The following UBE2E2 variants were observed in gnomAD, a reference collection of about 807,000 sequenced individuals.
The protein encoded by UBE2E2 is ubiquitin conjugating enzyme E2 E2.
UBE2E2 carries 6 observed loss-of-function variants against 24.7 expected under a neutral mutation model. That is an observed-to-expected ratio of 0.24 (90% CI 0.13 to 0.48). The LOEUF is 0.48. Among genes scored for constraint, UBE2E2 ranks in the 20% least tolerant of loss-of-function variants. The pLI, the probability that UBE2E2 is intolerant of heterozygous loss-of-function variation, is 0.99. For synonymous variants in UBE2E2, 104 were observed against 83.6 expected, an observed-to-expected ratio of 1.24 and a Z score of -1.33; for missense variants, 169 against 245.0, an observed-to-expected ratio of 0.69 and a Z score of 2.07.
chr3:23,318,906 A>G (rs942860924), intron 3 of UBE2E2, among the ~76,000 whole-genome samples: 2 of 152,324 alleles, frequency 1.3e-5, no homozygotes, highest in East Asian at 1.9e-4. Flanking sequence ...CTGCCTATAC[A>G]TTGTCTTATA....
chr3:23,333,514 G>C (rs1220537744), intron 3 of UBE2E2, among the ~76,000 whole-genome samples: 3 of 152,034 alleles, frequency 2.0e-5, no homozygotes, highest in African/African-American at 7.2e-5. Flanking sequence ...CTAGGAGACA[G>C]ATTTTCTGCC....
upstream of UBE2E2, chr3:23,203,255 C>T (rs1696008512): frequency 4.7e-5 from 46 of 988,602 alleles, no homozygotes; most frequent in Non-Finnish European, 5.5e-5. Context: ...GCAGCGGCGG[C>T]GCTGAGGGTG....
rs139520124 is a variant in UBE2E2, at chr3:23,244,773, T to G, written c.227+27461T>G. Among the ~76,000 whole-genome samples, 782 of 152,300 alleles carry G rather than the reference T, an allele frequency of 5.1e-3. 6 individuals carry two copies. The highest frequency in any genetic ancestry group is 0.018 in the African/African-American group (747 of 41,588). On this transcript the variant is annotated intron_variant, in intron 3 of 5. Transcript: ENST00000396703. ...TGGAAACTTTGCTTGGATGAATGAT[T>G]GTATTGGAGAAATGTTTTGTATACT...
chr3:23,405,736 A>G (rs769623312), intron 3 of UBE2E2, among the ~76,000 whole-genome samples: 2 of 152,146 alleles, frequency 1.3e-5, no homozygotes, highest in Non-Finnish European at 2.9e-5. Flanking sequence ...ACACTCTTTA[A>G]CATTTTGTTT....
Position 23,589,091 on chromosome 3 carries a change from C to A in UBE2E2, c.509-643C>A, listed in dbSNP as rs1010579788. Among the ~76,000 whole-genome samples, 11 of 152,018 alleles carry A rather than the reference C, an allele frequency of 7.2e-5. No homozygotes were observed. Among genetic ancestry groups the A allele is most frequent in the African/African-American group, 2.4e-4 (10 of 41,384 alleles). On this transcript the variant is annotated intron_variant, in intron 5 of 5. Transcript: ENST00000396703. The surrounding 1 kb of genome is among the most constrained non-coding windows in gnomAD (Gnocchi z 4.1). Reference sequence around the variant, plus strand: ...GAGAGCTCATCAAGAGCCCATGAGTCCCCTGCCCACAGCCCACCTGCATTT... The same window carrying A: ...GAGAGCTCATCAAGAGCCCATGAGTACCCTGCCCACAGCCCACCTGCATTT...
At chr3:23,462,910 G>C (rs1698837667) in intron 3 of UBE2E2, among the ~76,000 whole-genome samples, 1 of 152,018 alleles carries the variant, frequency 6.6e-6, no homozygotes, top group Admixed American at 6.6e-5. Context: ...TGTAAAATTC[G>C]AATGGTTTGT....
chr3:23,326,218 C>T (rs1304412744), intron 3 of UBE2E2, among the ~76,000 whole-genome samples: 1 of 152,088 alleles, frequency 6.6e-6, no homozygotes, highest in Non-Finnish European at 1.5e-5. Context: ...ATTACAGGCG[C>T]CTGCCACCAA....
At chr3:23,544,690 T>TG (rs1415129049) in intron 5 of UBE2E2, among the ~76,000 whole-genome samples, 3 of 152,322 alleles carry the variant, frequency 2.0e-5, no homozygotes, top group Admixed American at 1.3e-4. Flanking sequence ...CCTCCACACC[T>TG]GTGGGTGTTT....
intron 3 of UBE2E2, among the ~76,000 whole-genome samples, chr3:23,281,009 C>A (rs1362623125): frequency 1.3e-5 from 2 of 152,296 alleles, no homozygotes; most frequent in Admixed American, 6.5e-5. Context: ...TCCTCACTTG[C>A]TGGAGAAAGA....
rs116109083 is a variant in UBE2E2, at chr3:23,333,728, G to A, written c.227+116416G>A. 2.9e-3 allele frequency among the ~76,000 whole-genome samples: 442 copies of A among 152,082 alleles called. 2 individuals are homozygous for A. Among genetic ancestry groups the A allele is most frequent in the African/African-American group, 9.6e-3 (399 of 41,460 alleles). ...GAGCAGTAGTATCTCGTAGTAGTTC[G>A]CAGTGTAGAAAATATTTGCTTCTGA... On this transcript the variant is annotated intron_variant, in intron 3 of 5. Coordinates refer to ENST00000396703, the MANE Select transcript of UBE2E2 (RefSeq NM_152653.4).
intron 3 of UBE2E2, among the ~76,000 whole-genome samples, chr3:23,489,438 CCTGTGAGAAT>C (rs1313553655): frequency 6.6e-5 from 10 of 152,044 alleles, no homozygotes; most frequent in Admixed American, 3.9e-4. Context: ...GGTTTGCATT[CCTGTGAGAAT>C]CTATTGCCAC....
At chr3:23,486,521 G>A (rs1312000729) in intron 3 of UBE2E2, among the ~76,000 whole-genome samples, 3 of 152,190 alleles carry the variant, frequency 2.0e-5, no homozygotes, top group Non-Finnish European at 4.4e-5. Context: ...TTGTGCTGCA[G>A]CTCTTTCAGT....
chr3:23,499,781 A>T (rs191720635), intron 4 of UBE2E2, 41 bp downstream of exon 4: 1 of 1,600,250 alleles, frequency 6.2e-7, no homozygotes, highest in Non-Finnish European at 8.5e-7. Flanking sequence ...AATATGGATT[A>T]TATTTCTAGA....
rs1695698877 is a variant in UBE2E2 at position 23,350,190 on chromosome 3, G to A, written c.227+132878G>A. Among the ~76,000 whole-genome samples the A allele has an allele frequency of 2.6e-5, 4 of 152,288 alleles. 1 individual carries two copies. In the South Asian group the frequency reaches 8.3e-4, roughly 32 times the overall value. ...AGCTGAGGGTCCTGTCTGTTAGAAG[G>A]AAAACTAACAAACAGAAGGGACATC... On this transcript the variant is annotated intron_variant, in intron 3 of 5. Transcript: ENST00000396703.
intron 3 of UBE2E2, among the ~76,000 whole-genome samples, chr3:23,342,111 T>A (rs1481744067): frequency 6.6e-6 from 1 of 152,186 alleles, no homozygotes; most frequent in African/African-American, 2.4e-5. Flanking sequence ...GGAAAGCTAT[T>A]GACAGAAACA....
intron 3 of UBE2E2, among the ~76,000 whole-genome samples, chr3:23,420,395 A>G (rs1697767817): frequency 6.6e-6 from 1 of 152,230 alleles, no homozygotes; most frequent in African/African-American, 2.4e-5. Context: ...CTCAATTTTT[A>G]TGATCCTGTG....
At position 23,203,367 on chromosome 3, in the gene UBE2E2, C is replaced by T. The variant is rs1483440445; in HGVS notation, c.-106C>T. On this transcript the variant is annotated 5_prime_UTR_variant, in exon 1 of 6. Transcript: ENST00000396703. ...GACGGTCCGCAGGGGACATCCCGTC[C>T]CTGGGGCCTCCCCAGTCTCCCTCCC... The T allele has an allele frequency of 1.4e-5, 14 of 985,736 alleles. No individual in the cohort carries two copies. Among genetic ancestry groups the T allele is most frequent in the African/African-American group, 1.8e-5 (1 of 57,064 alleles). 61.1% of individuals were successfully genotyped at this position (985,736 alleles called of 1,614,324 possible). A position where few individuals can be genotyped will look rare whatever the true frequency, so the allele number is the denominator to read the frequency against.
Position 23,506,724 on chromosome 3 carries a change from C to T in UBE2E2, c.360+6984C>T, listed in dbSNP as rs192886224. Among the ~76,000 whole-genome samples, 342 of 152,226 alleles carry T rather than the reference C, an allele frequency of 2.2e-3. 3 individuals are homozygous for T. The highest frequency in any genetic ancestry group is 7.9e-3 in the African/African-American group (327 of 41,520). Reference sequence around the variant, plus strand: ...TCTCAGCTCACTGCAACCTCAGCCTCCCGGGCTCAAGCAATCTTCCCACCC... The same window carrying T: ...TCTCAGCTCACTGCAACCTCAGCCTTCCGGGCTCAAGCAATCTTCCCACCC... On this transcript the variant is annotated intron_variant, in intron 4 of 5. Coordinates refer to ENST00000396703, the MANE Select transcript of UBE2E2 (RefSeq NM_152653.4).
At chr3:23,241,562 G>A (rs1359533184) in intron 3 of UBE2E2, among the ~76,000 whole-genome samples, 1 of 151,448 alleles carries the variant, frequency 6.6e-6, no homozygotes, top group East Asian at 1.9e-4. Flanking sequence ...TCCATCTTAG[G>A]GTCTCTGCAC....
Sources: allele counts gnomAD v4.1 joint callset (sites outside exome capture counted in the v4.1 genomes callset), GRCh38; gene constraint gnomAD v4.1.1; non-coding constraint Gnocchi (gnomAD v3.1); transcripts MANE v1.5; gene names NCBI Gene and HGNC (gene_info 2026-07-23, HGNC 2026-07-21).